The following ATG13 variants were observed in gnomAD, a reference collection of about 807,000 sequenced individuals.
ATG13 encodes autophagy related 13, also known as autophagy-related protein 13.
Under a neutral mutation model 65.5 loss-of-function variants are expected in ATG13, and 23 were observed. That is an observed-to-expected ratio of 0.35 (90% CI 0.25 to 0.50). ATG13 has a LOEUF of 0.50. ATG13 is among the 20% of genes least tolerant of loss of function. The pLI is 0.98. For synonymous variants in ATG13, 252 were observed against 245.2 expected (o/e 1.03, Z -0.26); for missense variants, 566 against 677.0 (o/e 0.84, Z 1.82).
At chr11:46,658,076 A>C (rs1222544686) in intron 10 of ATG13, among the ~76,000 whole-genome samples, 1 of 152,190 alleles carries the variant, frequency 6.6e-6, no homozygotes, top group East Asian at 1.9e-4. Context: ...CTCAAAAAAA[A>C]AAAAAAAGAC....
intron 16 of ATG13, 50 bp from the exon 17 acceptor site, chr11:46,668,744 T>C: frequency 1.3e-6 from 2 of 1,535,096 alleles, no homozygotes; most frequent in Middle Eastern, 1.7e-4. Flanking sequence ...TTACAGTAAC[T>C]TGAATCTGGG....
intron 1 of ATG13, among the ~76,000 whole-genome samples, chr11:46,627,037 C>T (rs989833795): frequency 1.3e-5 from 2 of 152,036 alleles, no homozygotes; most frequent in African/African-American, 4.8e-5. Context: ...GCCAGGAGTT[C>T]GAGACCAGCC....
chr11:46,619,354 T>TG (rs1484790578), intron 1 of ATG13, among the ~76,000 whole-genome samples: 1 of 149,288 alleles, frequency 6.7e-6, no homozygotes, highest in Non-Finnish European at 1.5e-5. Flanking sequence ...TTAATGTCCT[T>TG]GGAAGGTAGA....
chr11:46,656,909 A>G, intron 8 of ATG13, 186 bp from the exon 9 acceptor site: 1 of 588,968 alleles, frequency 1.7e-6, no homozygotes, highest in East Asian at 2.8e-5. Context: ...ACCTATATAT[A>G]CACACACATA....
chr11:46,620,566 G>A (rs946033324), intron 1 of ATG13, among the ~76,000 whole-genome samples: 3 of 151,676 alleles, frequency 2.0e-5, no homozygotes, highest in African/African-American at 4.8e-5. Context: ...ACCTGAGTTC[G>A]GGAGTTTGAG....
intron 5 of ATG13, chr11:46,648,883 A>C: frequency 3.4e-6 from 1 of 295,962 alleles, no homozygotes; most frequent in Non-Finnish European, 6.1e-6. Flanking sequence ...ATACTGTGGA[A>C]CCATTTTAAA....
Position 46,672,490 on chromosome 11 carries a change from TC to T in ATG13, c.*160del, listed in dbSNP as rs2063987378. On this transcript the variant is annotated 3_prime_UTR_variant, in exon 19 of 19. Coordinates refer to ENST00000683050, the MANE Select transcript of ATG13 (RefSeq NM_001346311.2). ...ACCCAGAAGTCCCTACTCTTGGACC[TC>T]CTGGAGACTCCGTGGCGGCAGTCAA... The T allele has an allele frequency of 6.7e-7, 1 of 1,498,278 alleles. No individual in the cohort carries two copies. The highest frequency in any genetic ancestry group is 2.2e-5 in the Admixed American group (1 of 44,488). 92.8% of individuals were successfully genotyped at this position (1,498,278 alleles called of 1,614,324 possible).
intron 7 of ATG13, among the ~76,000 whole-genome samples, chr11:46,651,331 C>G (rs1369316360): frequency 6.6e-6 from 1 of 152,216 alleles, no homozygotes; most frequent in African/African-American, 2.4e-5. Context: ...AAGTAGCATT[C>G]AAGCTAGCCT....
intron 11 of ATG13, among the ~76,000 whole-genome samples, chr11:46,661,922 C>T (rs1255149855): frequency 2.0e-5 from 3 of 152,190 alleles, no homozygotes; most frequent in African/African-American, 7.2e-5. Context: ...CCATGGATCA[C>T]TATTGTTTCT....
intron 14 of ATG13, among the ~76,000 whole-genome samples, 197 bp from the exon 15 acceptor site, chr11:46,667,576 G>A (rs1275540479): frequency 6.6e-6 from 1 of 152,162 alleles, no homozygotes; most frequent in Non-Finnish European, 1.5e-5. Flanking sequence ...TCCAGGAAGT[G>A]CAGCCCTCTA....
chr11:46,672,122 C>A, intron 18 of ATG13, 133 bp from the exon 19 acceptor site: 1 of 1,412,760 alleles, frequency 7.1e-7, no homozygotes. Context: ...AGCTGCCCTG[C>A]GTTCTCCCAC....
In ATG13 at chr11:46,648,918, G is replaced by A. The variant is rs2058321088; in HGVS notation, c.271-219G>A. 4 of 374,372 alleles carry A rather than the reference G, an allele frequency of 1.1e-5. No homozygotes were observed. In the South Asian group the frequency reaches 2.3e-4, roughly 22 times the overall value. The allele number at this position is 374,372 out of a possible 1,614,324, so 23.2% of individuals were successfully genotyped here. ...ATGATTTAGAATTTTTAATTATAAGGAAAATTCCATGACGTATTTATTAAG... is the reference window on the plus strand; with the variant it reads ...ATGATTTAGAATTTTTAATTATAAGAAAAATTCCATGACGTATTTATTAAG... On this transcript the variant is annotated intron_variant, in intron 5 of 18. Coordinates refer to ENST00000683050, the MANE Select transcript of ATG13 (RefSeq NM_001346311.2).
chr11:46,620,055 G>T (rs1362542502), intron 1 of ATG13, among the ~76,000 whole-genome samples: 1 of 151,260 alleles, frequency 6.6e-6, no homozygotes, highest in Non-Finnish European at 1.5e-5. Flanking sequence ...TTCCTCTGAG[G>T]ACCAATATAG....
intron 5 of ATG13, among the ~76,000 whole-genome samples, chr11:46,647,103 T>C (rs1313001759): frequency 1.3e-5 from 2 of 152,168 alleles, no homozygotes; most frequent in Admixed American, 6.5e-5. Context: ...CTTGTTCACA[T>C]GACATACTTC....
At position 46,672,873 on chromosome 11, in the gene ATG13, CTT is replaced by C; in HGVS notation, c.*542_*543del. 2 of 1,122,214 alleles carry C rather than the reference CTT, an allele frequency of 1.8e-6. No individual in the cohort carries two copies. Among genetic ancestry groups the C allele is most frequent in the South Asian group, 1.5e-5 (1 of 65,722 alleles). The allele number at this position is 1,122,214 out of a possible 1,614,324, so 69.5% of individuals were successfully genotyped here. A position where few individuals can be genotyped will look rare whatever the true frequency, so the allele number is the denominator to read the frequency against. The stretch of plus-strand genomic sequence containing the variant: ...ATCTTCTTCTCCTCTTCTTCTCTCT[CTT>C]GCCTCTATGCCTGTATTTCTGGCAA... On this transcript the variant is annotated 3_prime_UTR_variant, in exon 19 of 19. Coordinates refer to ENST00000683050, the MANE Select transcript of ATG13 (RefSeq NM_001346311.2).
chr11:46,665,516 G>A lies in ATG13; in HGVS notation c.1133G>A (p.Ser378Asn). 1 of 1,614,134 alleles carries A rather than the reference G, an allele frequency of 6.2e-7. No individual in the cohort carries two copies. Among genetic ancestry groups the A allele is most frequent in the Non-Finnish European group, 8.5e-7 (1 of 1,179,966 alleles). The change falls in exon 14 of 19, where the codon AGT becomes AAT. Residue 378 changes from serine (S) to asparagine (N), a missense_variant. Physicochemically the swap from Ser to Asn is conservative, Grantham distance 46. This residue lies in a region of ATG13 where 387 missense variants were observed against 409.8 expected (regional missense o/e 0.94). Coordinates refer to ENST00000683050, the MANE Select transcript of ATG13 (RefSeq NM_001346311.2). ...DRTHCAATPSSSEDTETVSNS... is the reference protein window; with the variant it reads ...DRTHCAATPSNSEDTETVSNS... ...ACCCACTGTGCTGCCACACCCTCCA[G>A]TAGGTGAGTTCACATTTTGGCTCTG...
chr11:46,672,725 T>C lies in ATG13; in HGVS notation c.*393T>C. On this transcript the variant is annotated 3_prime_UTR_variant, in exon 19 of 19. Coordinates refer to ENST00000683050, the MANE Select transcript of ATG13 (RefSeq NM_001346311.2). ...CCCTGCCTGCTGTCACCATCCACTG[T>C]TTGACATTCCAGCTGGTGGCCAAGA... 2 of 1,355,866 alleles carry C rather than the reference T, an allele frequency of 1.5e-6. No individual in the cohort carries two copies. The highest frequency in any genetic ancestry group is 1.1e-5 in the South Asian group (1 of 87,846). The allele number at this position is 1,355,866 out of a possible 1,614,324, so 84.0% of individuals were successfully genotyped here. A position where few individuals can be genotyped will look rare whatever the true frequency, so the allele number is the denominator to read the frequency against.
At chr11:46,651,600 A>G (rs2058910149) in intron 7 of ATG13, among the ~76,000 whole-genome samples, 1 of 152,230 alleles carries the variant, frequency 6.6e-6, no homozygotes, top group Non-Finnish European at 1.5e-5. Flanking sequence ...TTTGCCTTAC[A>G]TGTATAGAGC....
intron 4 of ATG13, 56 bp from the exon 5 acceptor site, chr11:46,645,814 C>A (rs980247341): frequency 6.2e-7 from 1 of 1,608,110 alleles, no homozygotes; most frequent in Non-Finnish European, 8.5e-7. Context: ...ACACTAATTT[C>A]TTTTTCCATA....
Sources: allele counts gnomAD v4.1 joint callset (sites outside exome capture counted in the v4.1 genomes callset), GRCh38; gene constraint gnomAD v4.1.1; regional missense constraint gnomAD v4.1.1; transcripts MANE v1.5; gene names NCBI Gene and HGNC (gene_info 2026-07-23, HGNC 2026-07-21).